ZYG11A: variants seen among roughly 807,000 people sequenced by gnomAD.
ZYG11A encodes zyg-11 family member A, cell cycle regulator, also known as protein zyg-11 homolog A.
ZYG11A carries 62 observed loss-of-function variants against 77.2 expected under a neutral mutation model. The observed-to-expected ratio is 0.80, with a 90% CI of 0.65 to 0.99. The LOEUF (loss-of-function observed/expected upper bound fraction) is 0.99. Among genes scored for constraint, ZYG11A ranks in the 50% least tolerant of loss-of-function variants. The pLI is 0.00. For synonymous variants in ZYG11A, 315 were observed against 324.6 expected (o/e 0.97, Z 0.32); for missense variants, 828 against 896.8 (o/e 0.92, Z 0.98).
At chr1:52,869,953 GCGGGGGGCTGACCCCCCCCCACCCCCCTC>G (rs1646116153) in intron 8 of ZYG11A, among the ~76,000 whole-genome samples, 1 of 143,556 alleles carries the variant, frequency 7.0e-6, no homozygotes, top group Non-Finnish European at 1.5e-5. Context: ...GGCTGGCCGG[GCGGGGGGCTGACCCCCCCCCACCCCCCTC>G]CCGGGCGGGG....
At chr1:52,879,761 T>TATTTA (rs775839192) in intron 10 of ZYG11A, among the ~76,000 whole-genome samples, 96 of 150,214 alleles carry the variant, frequency 6.4e-4, no homozygotes, top group Non-Finnish European at 1.1e-3. Context: ...TTTATTTATT[T>TATTTA]ATTTATTTAT....
intron 1 of ZYG11A, among the ~76,000 whole-genome samples, chr1:52,845,918 A>G (rs1302227668): frequency 1.3e-5 from 2 of 151,926 alleles, no homozygotes; most frequent in Non-Finnish European, 2.9e-5. Flanking sequence ...CAGCCTCCCA[A>G]AGTTCTGGGA....
chr1:52,844,127 A>G (rs549021453), intron 1 of ZYG11A, among the ~76,000 whole-genome samples: 2 of 152,318 alleles, frequency 1.3e-5, no homozygotes, highest in South Asian at 2.1e-4. Flanking sequence ...TCAGGTGTTC[A>G]GACCTCTGGC....
intron 8 of ZYG11A, among the ~76,000 whole-genome samples, chr1:52,877,388 G>C (rs1240620550): frequency 2.0e-5 from 3 of 152,074 alleles, no homozygotes; most frequent in African/African-American, 7.2e-5. Flanking sequence ...AGAAGGTGTT[G>C]ACTAAGTGTT....
rs570216961 is a variant in ZYG11A at position 52,892,725 on chromosome 1, T to C, written c.2105-57T>C. 67 of 1,413,544 alleles carry C rather than the reference T, an allele frequency of 4.7e-5. No individual in the cohort carries two copies. The South Asian group carries it at 7.8e-4, about 17-fold the overall frequency. The allele number at this position is 1,413,544 out of a possible 1,614,324, so 87.6% of individuals were successfully genotyped here. A position where few individuals can be genotyped will look rare whatever the true frequency, so the allele number is the denominator to read the frequency against. On this transcript the variant is annotated intron_variant, in intron 13 of 13. Coordinates refer to ENST00000371528, the MANE Select transcript of ZYG11A (RefSeq NM_001004339.3). ...CTTCAGCAAGGTGAATGTGGTGACATGGGAGTATTTAAAATGCCAGTTGTC... is the reference window on the plus strand; with the variant it reads ...CTTCAGCAAGGTGAATGTGGTGACACGGGAGTATTTAAAATGCCAGTTGTC...
intron 5 of ZYG11A, 115 bp downstream of exon 5, chr1:52,864,272 GTC>G (rs1308064907): frequency 8.5e-6 from 9 of 1,057,844 alleles, no homozygotes; most frequent in Non-Finnish European, 1.2e-5. Flanking sequence ...TAAAGACAGA[GTC>G]TCTCTCTGTC....
At chr1:52,865,719 A>C (rs1646012382) in intron 5 of ZYG11A, among the ~76,000 whole-genome samples, 1 of 152,144 alleles carries the variant, frequency 6.6e-6, no homozygotes, top group Non-Finnish European at 1.5e-5. Flanking sequence ...AAAAGAGCAG[A>C]AGTACATGAT....
chr1:52,894,360 C>T lies in ZYG11A; in HGVS notation c.*1403C>T, dbSNP rs1646592004. On this transcript the variant is annotated 3_prime_UTR_variant, in exon 14 of 14. Transcript: ENST00000371528. ...AGAGAGTTCACGGAGTTTTCTTACC[C>T]CGCATGCTGACTAAAGAAAACATGG... The T allele has an allele frequency of 6.6e-6, 1 of 152,150 alleles. No individual in the cohort carries two copies. Among genetic ancestry groups the T allele is most frequent in the Admixed American group, 6.6e-5 (1 of 15,256 alleles). 9.4% of individuals were successfully genotyped at this position (152,150 alleles called of 1,614,324 possible).
At chr1:52,886,056 C>T (rs1646444527) in intron 12 of ZYG11A, among the ~76,000 whole-genome samples, 162 bp downstream of exon 12, 1 of 152,124 alleles carries the variant, frequency 6.6e-6, no homozygotes, top group Non-Finnish European at 1.5e-5. Context: ...CCTCAGCCTC[C>T]CGAGTAGCTG....
Position 52,878,750 on chromosome 1 carries a change from T to C in ZYG11A, c.1749+781T>C, listed in dbSNP as rs1646306045. Among the ~76,000 whole-genome samples the C allele has an allele frequency of 2.6e-5, 4 of 151,512 alleles. No homozygotes were observed. In the South Asian group the frequency reaches 8.4e-4, roughly 32 times the overall value. On this transcript the variant is annotated intron_variant, in intron 10 of 13. Coordinates refer to ENST00000371528, the MANE Select transcript of ZYG11A (RefSeq NM_001004339.3). ...GGTCAGAAGTTCAAGACCAACCTGG[T>C]CAACATGGTGAAACCCTGTCTCTAC...
intron 13 of ZYG11A, among the ~76,000 whole-genome samples, chr1:52,889,616 A>G (rs1398123360): frequency 6.6e-6 from 1 of 151,998 alleles, no homozygotes; most frequent in Non-Finnish European, 1.5e-5. Context: ...AACATGACTA[A>G]TAAATATATT....
chr1:52,882,760 T>A (rs987379673), intron 11 of ZYG11A, among the ~76,000 whole-genome samples: 11 of 152,278 alleles, frequency 7.2e-5, no homozygotes, highest in Non-Finnish European at 1.5e-5. Context: ...AATTTTCTTT[T>A]AAGCTTTAAG....
At chr1:52,885,621 C>T (rs1646436616) in intron 11 of ZYG11A, among the ~76,000 whole-genome samples, 1 of 152,114 alleles carries the variant, frequency 6.6e-6, no homozygotes, top group African/African-American at 2.4e-5. Flanking sequence ...GAGGTAAATT[C>T]GTGCTCAGTC....
intron 1 of ZYG11A, among the ~76,000 whole-genome samples, chr1:52,848,268 C>T (rs1018067437): frequency 6.6e-6 from 1 of 152,104 alleles, no homozygotes; most frequent in African/African-American, 2.4e-5. Context: ...TCCAAAAGTG[C>T]TGGGATTACA....
Position 52,873,481 on chromosome 1 carries a change from C to T in ZYG11A, c.1543-4201C>T, listed in dbSNP as rs541912918. On this transcript the variant is annotated intron_variant, in intron 8 of 13. Transcript: ENST00000371528. The stretch of plus-strand genomic sequence containing the variant: ...AGAGAACTAAAATTATAAATGGAGC[C>T]TGGAGATGTGACTGAATTGCTGCAA... 3.3e-5 allele frequency among the ~76,000 whole-genome samples: 5 copies of T among 152,202 alleles called. No individual in the cohort carries two copies. In the East Asian group the frequency reaches 9.6e-4, roughly 29 times the overall value.
intron 4 of ZYG11A, among the ~76,000 whole-genome samples, chr1:52,861,222 C>T (rs960214546): frequency 1.3e-5 from 2 of 152,032 alleles, no homozygotes; most frequent in African/African-American, 2.4e-5. Context: ...TTGCTTTTAT[C>T]GATATAGCCA....
intron 11 of ZYG11A, among the ~76,000 whole-genome samples, chr1:52,884,982 C>G (rs1226563441): frequency 6.6e-6 from 1 of 151,988 alleles, no homozygotes; most frequent in African/African-American, 2.4e-5. Flanking sequence ...CATCTCAGCT[C>G]ACTGCAACCT....
At chr1:52,884,997 C>T (rs986604624) in intron 11 of ZYG11A, among the ~76,000 whole-genome samples, 9 of 152,042 alleles carry the variant, frequency 5.9e-5, no homozygotes, top group Non-Finnish European at 1.3e-4. Context: ...CAACCTCTGC[C>T]TCCTGGCTTC....
chr1:52,879,532 G>C (rs1646324766), intron 10 of ZYG11A, among the ~76,000 whole-genome samples: 1 of 152,034 alleles, frequency 6.6e-6, no homozygotes, highest in Non-Finnish European at 1.5e-5. Context: ...TATAAAGAAG[G>C]GACAAAGTCA....
Sources: allele counts gnomAD v4.1 joint callset (sites outside exome capture counted in the v4.1 genomes callset), GRCh38; gene constraint gnomAD v4.1.1; transcripts MANE v1.5; gene names NCBI Gene and HGNC (gene_info 2026-07-23, HGNC 2026-07-21).